Variants in RANBP10 observed in about 807,000 individuals in gnomAD.
The protein encoded by RANBP10 is RAN binding protein 10.
In RANBP10, 24 loss-of-function variants were observed where a neutral mutation model predicts 72.8. That is an observed-to-expected ratio of 0.33 (90% CI 0.24 to 0.46). The LOEUF (loss-of-function observed/expected upper bound fraction) is 0.46, where lower values mean the gene tolerates loss of function less well. Ranked by LOEUF, RANBP10 falls within the 20% of genes least tolerant of loss-of-function variation. RANBP10 has a pLI of 1.00. For synonymous variants in RANBP10, 310 were observed against 322.3 expected (o/e 0.96, Z 0.41); for missense variants, 679 against 817.5 (o/e 0.83, Z 2.07).
intron 2 of RANBP10, among the ~76,000 whole-genome samples, chr16:67,780,516 G>C (rs2054791163): frequency 6.6e-6 from 1 of 152,170 alleles, no homozygotes; most frequent in African/African-American, 2.4e-5. Flanking sequence ...GGGAGGCCAA[G>C]GCGGGAAGAT....
At position 67,729,015 on chromosome 16, in the gene RANBP10, C is replaced by T. The variant is rs763597954; in HGVS notation, c.1352+265G>A. On this transcript the variant is annotated intron_variant, in intron 10 of 13. Transcript: ENST00000317506. The surrounding 1 kb of genome is among the most constrained non-coding windows in gnomAD (Gnocchi z 7.1). ...TGGACCCTGAGGGTTCTCACAGGCCCGGCCTCTTTGGAGGAGACCACATCC... is the reference window on the plus strand; with the variant it reads ...TGGACCCTGAGGGTTCTCACAGGCCTGGCCTCTTTGGAGGAGACCACATCC... Among the ~76,000 whole-genome samples, 5 of 152,250 alleles carry T rather than the reference C, an allele frequency of 3.3e-5. No individual in the cohort carries two copies. The highest frequency in any genetic ancestry group is 9.6e-5 in the African/African-American group (4 of 41,476).
At chr16:67,735,258 C>A (rs545735886) in intron 5 of RANBP10, among the ~76,000 whole-genome samples, 1 of 152,362 alleles carries the variant, frequency 6.6e-6, no homozygotes, top group Non-Finnish European at 1.5e-5. Flanking sequence ...AAGCAAGGCA[C>A]ATCATGGAGA....
intron 2 of RANBP10, among the ~76,000 whole-genome samples, chr16:67,800,826 T>C (rs1004671575): frequency 6.6e-6 from 1 of 152,144 alleles, no homozygotes; most frequent in Admixed American, 6.6e-5. Flanking sequence ...ATCAGACTCA[T>C]AGGTCTAACA....
chr16:67,740,019 G>A (rs913104255), intron 4 of RANBP10: 1 of 151,266 alleles, frequency 6.6e-6, no homozygotes, highest in African/African-American at 2.4e-5. Flanking sequence ...TTTTTGAGAC[G>A]GAGTCTAGTT....
At chr16:67,765,781 A>C (rs1398974260) in intron 3 of RANBP10, among the ~76,000 whole-genome samples, 2 of 152,156 alleles carry the variant, frequency 1.3e-5, no homozygotes, top group East Asian at 1.9e-4. Flanking sequence ...GCTTGCAGTG[A>C]GCCGAGATCG....
At chr16:67,738,075 G>T in intron 4 of RANBP10, 40 bp from the exon 5 acceptor site, 4 of 1,557,856 alleles carry the variant, frequency 2.6e-6, no homozygotes, top group Non-Finnish European at 3.5e-6. Context: ...CCAGCCCCTG[G>T]GGCTACTCTG....
chr16:67,729,424 C>G lies in RANBP10; in HGVS notation c.1208G>C (p.Ser403Thr). The change falls in exon 10 of 14, where the codon AGT becomes ACT. Residue 403 changes from serine to threonine, a missense_variant. Coordinates refer to ENST00000317506, the MANE Select transcript of RANBP10 (RefSeq NM_020850.3). This position sits in a 1 kb window ranked among gnomAD's most constrained non-coding sequence, Gnocchi z 7.1. ...TGAGGAGCTGGGTGCAGGGTATTTA[C>G]TGTGGTTCTGTTTGCTCTTGGTGGA... is the stretch of plus-strand genomic sequence containing the variant. ...VASTKSKQNHSKYPAPSSSSS... is the reference protein window; with the variant it reads ...VASTKSKQNHTKYPAPSSSSS... 6.2e-7 allele frequency: 1 copy of G among 1,613,736 alleles called. No individual in the cohort carries two copies. The highest frequency in any genetic ancestry group is 8.5e-7 in the Non-Finnish European group (1 of 1,179,986).
In RANBP10 at chr16:67,730,305, G is replaced by A. The variant is rs2053701571; in HGVS notation, c.890-259C>T. ...TCAGCCCAAAGGCAGGAGGGTAAAT[G>A]TGGAGGTCTGCTCCTGCGGGGCACA... is the stretch of plus-strand genomic sequence containing the variant. On this transcript the variant is annotated intron_variant, in intron 7 of 13. Coordinates refer to ENST00000317506, the MANE Select transcript of RANBP10 (RefSeq NM_020850.3). The surrounding 1 kb of genome is among the most constrained non-coding windows in gnomAD (Gnocchi z 4.3). Among the ~76,000 whole-genome samples, 1 of 152,218 alleles carries A rather than the reference G, an allele frequency of 6.6e-6. No homozygotes were observed. The highest frequency in any genetic ancestry group is 2.4e-5 in the African/African-American group (1 of 41,462).
intron 3 of RANBP10, among the ~76,000 whole-genome samples, chr16:67,768,081 G>T (rs1175083000): frequency 3.3e-5 from 5 of 149,826 alleles, no homozygotes; most frequent in Admixed American, 1.3e-4. Context: ...AAAAAAAAAG[G>T]TTTTTATTAA....
chr16:67,795,699 C>CA (rs1465720167), intron 2 of RANBP10, among the ~76,000 whole-genome samples: 2 of 148,814 alleles, frequency 1.3e-5, no homozygotes, highest in African/African-American at 2.5e-5. Context: ...ACTAAAAATA[C>CA]AAAAAATTAG....
intron 3 of RANBP10, among the ~76,000 whole-genome samples, chr16:67,764,791 T>C (rs1032186138): frequency 6.6e-6 from 1 of 152,222 alleles, no homozygotes; most frequent in African/African-American, 2.4e-5. Context: ...TACTAATCCA[T>C]AGATTTTATG....
chr16:67,792,663 G>A (rs1024924113), intron 2 of RANBP10, among the ~76,000 whole-genome samples: 1 of 151,582 alleles, frequency 6.6e-6, no homozygotes, highest in African/African-American at 2.4e-5. Context: ...CGCACCTATA[G>A]TCCCAGCTAC....
chr16:67,795,012 C>T (rs570958243), intron 2 of RANBP10, among the ~76,000 whole-genome samples: 17 of 150,256 alleles, frequency 1.1e-4, no homozygotes, highest in Admixed American at 2.7e-4. Flanking sequence ...CCCAGTACTC[C>T]GGGAGGCCAA....
Position 67,729,708 on chromosome 16 carries a change from G to A in RANBP10, c.1119C>T (p.Gly373=). 6.2e-7 allele frequency: 1 copy of A among 1,613,676 alleles called. No individual in the cohort carries two copies. The highest frequency in any genetic ancestry group is 8.5e-7 in the Non-Finnish European group (1 of 1,179,812). ...PGSPSLSPRH[G]PSSSHMHNTG... ...TGTTGTGCATGTGGGAACTACTGGG[G>A]CCATGTCGGGGACTGAGGCTGGGGG... is the stretch of plus-strand genomic sequence containing the variant. The change falls in exon 9 of 14, where the codon GGC becomes GGT. Residue 373 remains glycine (G), a synonymous_variant. Transcript: ENST00000317506. The surrounding 1 kb of genome is among the most constrained non-coding windows in gnomAD (Gnocchi z 7.1).
intron 3 of RANBP10, among the ~76,000 whole-genome samples, chr16:67,769,327 C>T (rs2054562435): frequency 6.6e-6 from 1 of 150,840 alleles, no homozygotes; most frequent in African/African-American, 2.4e-5. Context: ...ACTTATAGTC[C>T]CAGCTACTTA....
rs1002956634 is a variant in RANBP10, at chr16:67,727,190, G to T, written c.1732+137C>A. ...GCACCTTAGTCCCAGCTACTCAGGA[G>T]GCTGAGGCACGAAAATTGCTTAAAC... On this transcript the variant is annotated intron_variant, in intron 13 of 13. Transcript: ENST00000317506. The T allele has an allele frequency of 9.5e-6, 7 of 740,056 alleles. No individual in the cohort carries two copies. The African/African-American group carries it at 1.1e-4, about 11-fold the overall frequency. 45.8% of individuals were successfully genotyped at this position (740,056 alleles called of 1,614,324 possible).
chr16:67,760,739 G>A (rs1184521991), intron 3 of RANBP10, among the ~76,000 whole-genome samples: 1 of 152,154 alleles, frequency 6.6e-6, no homozygotes, highest in Non-Finnish European at 1.5e-5. Context: ...TAGTAACTAC[G>A]GTAATGTATG....
At chr16:67,797,681 A>G (rs2055157763) in intron 2 of RANBP10, among the ~76,000 whole-genome samples, 1 of 152,048 alleles carries the variant, frequency 6.6e-6, no homozygotes, top group African/African-American at 2.4e-5. Flanking sequence ...GTCATGGCAC[A>G]CGCCTGTAAT....
At chr16:67,737,940 G>T (rs2053886642) in intron 5 of RANBP10, 73 bp downstream of exon 5, 3 of 1,504,424 alleles carry the variant, frequency 2.0e-6, no homozygotes, top group African/African-American at 2.8e-5. Context: ...CCCTGCACTT[G>T]CAGGTACCAC....
Sources: allele counts gnomAD v4.1 joint callset (sites outside exome capture counted in the v4.1 genomes callset), GRCh38; gene constraint gnomAD v4.1.1; non-coding constraint Gnocchi (gnomAD v3.1); transcripts MANE v1.5; gene names NCBI Gene and HGNC (gene_info 2026-07-23, HGNC 2026-07-21).